SUGP2: variants seen among roughly 807,000 people sequenced by gnomAD.
SUGP2 encodes the protein SURP and G-patch domain containing 2.
A neutral mutation model predicts 90.5 loss-of-function variants in SUGP2; 24 were observed. The observed-to-expected ratio is 0.27, with a 90% CI of 0.19 to 0.37. The LOEUF is 0.37. SUGP2 is among the 10% of genes least tolerant of loss of function. The pLI is 1.00. For synonymous variants in SUGP2, 473 were observed against 513.4 expected (o/e 0.92, Z 1.06); for missense variants, 1,233 against 1,363.3 (o/e 0.90, Z 1.51).
intron 4 of SUGP2, among the ~76,000 whole-genome samples, chr19:19,017,608 C>A (rs2058549557): frequency 6.6e-6 from 1 of 152,004 alleles, no homozygotes; most frequent in African/African-American, 2.4e-5. Flanking sequence ...CCCGTCTCTA[C>A]TAAAATACAA....
chr19:19,033,378 G>A, intron 1 of SUGP2, 59 bp downstream of exon 1: 3 of 1,216,460 alleles, frequency 2.5e-6, no homozygotes, highest in South Asian at 2.6e-5. Flanking sequence ...CCCCAAGGCC[G>A]AGCCCGAGCT....
chr19:19,020,567 C>A (rs1008931974), intron 3 of SUGP2, among the ~76,000 whole-genome samples: 1 of 151,516 alleles, frequency 6.6e-6, no homozygotes, highest in Non-Finnish European at 1.5e-5. Flanking sequence ...CCTCAGCCTC[C>A]CAAGTAGCTG....
Position 19,024,868 on chromosome 19 carries a change from G to T in SUGP2, c.1480C>A (p.Arg494=), listed in dbSNP as rs777223486. The T allele has an allele frequency of 4.3e-6, 7 of 1,614,058 alleles. No homozygotes were observed. In the Admixed American group the frequency reaches 1.2e-4, roughly 27 times the overall value. The part of the protein sequence containing the change: ...GQTFSLASSF[R]QEKILEAVGL... ...ACAGCTTCTAAGATTTTCTCCTGCCGGAAAGAAGAGGCCAAGGAAAATGTC... is the reference window on the plus strand; with the variant it reads ...ACAGCTTCTAAGATTTTCTCCTGCCTGAAAGAAGAGGCCAAGGAAAATGTC... The change falls in exon 3 of 11, where the codon CGG becomes AGG. Residue 494 remains arginine (R), a synonymous_variant. Transcript: ENST00000452918.
rs755890142 is a variant in SUGP2 at position 18,994,327 on chromosome 19, C to T, written c.*39G>A. On this transcript the variant is annotated intron_variant, in intron 10 of 10. Coordinates refer to ENST00000452918, the MANE Select transcript of SUGP2 (RefSeq NM_001017392.5). ...ATTTCTCTGCATACCAGCACGCCAG[C>T]GAGGGCAGACGGCCTTACACACTGG... 2.6e-5 allele frequency: 42 copies of T among 1,598,628 alleles called. 1 individual carries two copies. The highest frequency in any genetic ancestry group is 5.1e-5 in the Admixed American group (3 of 59,066).
chr19:19,019,710 CAG>C (rs1221012676), intron 3 of SUGP2, among the ~76,000 whole-genome samples: 1 of 150,002 alleles, frequency 6.7e-6, no homozygotes, highest in East Asian at 1.9e-4. Context: ...AATATGTTAA[CAG>C]AGGTTATAGG....
intron 10 of SUGP2, 95 bp downstream of exon 10, chr19:18,994,271 G>C (rs1017351208): frequency 6.7e-7 from 1 of 1,501,530 alleles, no homozygotes; most frequent in African/African-American, 1.4e-5. Context: ...CATTTTTGGG[G>C]GAGCAGGGAA....
chr19:19,017,145 C>T (rs149293613), intron 4 of SUGP2, among the ~76,000 whole-genome samples: 4 of 152,242 alleles, frequency 2.6e-5, no homozygotes, highest in African/African-American at 9.6e-5. Flanking sequence ...TGATAGCACC[C>T]CTGCATTGCA....
At chr19:19,021,118 C>T (rs1216744399) in intron 3 of SUGP2, among the ~76,000 whole-genome samples, 1 of 119,360 alleles carries the variant, frequency 8.4e-6, no homozygotes, top group African/African-American at 3.3e-5. Flanking sequence ...GAGATCATGC[C>T]ATTGCACTCC....
At chr19:19,009,071 C>T (rs1413830258) in intron 5 of SUGP2, among the ~76,000 whole-genome samples, 3 of 152,122 alleles carry the variant, frequency 2.0e-5, no homozygotes, top group African/African-American at 7.2e-5. Flanking sequence ...GCCACCACGC[C>T]CAGCTAATTT....
At chr19:19,014,128 G>A (rs776845884) in intron 4 of SUGP2, among the ~76,000 whole-genome samples, 1 of 152,064 alleles carries the variant, frequency 6.6e-6, no homozygotes, top group African/African-American at 2.4e-5. Context: ...TGAGTAGCTG[G>A]GAGTATAGGC....
At chr19:18,995,013 G>A (rs763857695) in intron 9 of SUGP2, 131 bp downstream of exon 9, 1 of 1,038,964 alleles carries the variant, frequency 9.6e-7, no homozygotes, top group Admixed American at 2.0e-5. Context: ...ATCTGAAGAT[G>A]CCTTCTGTTT....
intron 4 of SUGP2, 77 bp downstream of exon 4, chr19:19,019,032 C>T (rs1265446649): frequency 2.0e-6 from 3 of 1,504,258 alleles, no homozygotes; most frequent in Admixed American, 3.6e-5. Flanking sequence ...CCTCTGCTCT[C>T]AATACCATCA....
intron 4 of SUGP2, among the ~76,000 whole-genome samples, chr19:19,018,564 G>C (rs1225067566): frequency 2.7e-5 from 4 of 150,742 alleles, no homozygotes; most frequent in African/African-American, 4.9e-5. Flanking sequence ...GTGGGCTCCT[G>C]TAGTCCCAGC....
In SUGP2 at chr19:19,025,632, C is replaced by G. The variant is rs746791242; in HGVS notation, c.716G>C (p.Gly239Ala). Residue 239 changes from glycine to alanine, a missense_variant, in exon 3 of 11, where the codon GGG (glycine) becomes GCG (alanine). Physicochemically the swap from Gly to Ala is moderately conservative, Grantham distance 60. Around this residue, in one of 8 missense-constraint regions of SUGP2, gnomAD observed 418 missense variants for 399.9 expected, o/e 1.05. Coordinates refer to ENST00000452918, the MANE Select transcript of SUGP2 (RefSeq NM_001017392.5). ...CAATGTGACAAGTTTCCCAACACCC[C>G]CCTTAGCTGTGAGCAGGCCCTGAGT... Reference protein sequence around the residue: ...GETQGLLTAKGGVGKLVTLRN... With the variant: ...GETQGLLTAKAGVGKLVTLRN... The G allele has an allele frequency of 1.9e-6, 3 of 1,614,040 alleles. No homozygotes were observed. The highest frequency in any genetic ancestry group is 1.7e-6 in the Non-Finnish European group (2 of 1,180,028).
At position 19,001,785 on chromosome 19, in the gene SUGP2, G is replaced by T; in HGVS notation, c.2930-111C>A. 3 of 1,093,882 alleles carry T rather than the reference G, an allele frequency of 2.7e-6. No individual in the cohort carries two copies. In the South Asian group the frequency reaches 3.9e-5, roughly 14 times the overall value. The allele number at this position is 1,093,882 out of a possible 1,614,324, so 67.8% of individuals were successfully genotyped here. On this transcript the variant is annotated intron_variant, in intron 7 of 10. Transcript: ENST00000452918. ...GCTAACAGTTCTCTGATGACAGAAG[G>T]TGTCTTAGGCTCTGCATGGCAGCTG...
intron 6 of SUGP2, among the ~76,000 whole-genome samples, chr19:19,005,866 C>A (rs2058046753): frequency 7.7e-5 from 1 of 13,066 alleles, no homozygotes; most frequent in African/African-American, 3.5e-4. Flanking sequence ...CACACACACA[C>A]ACACACACAC....
At chr19:19,022,175 G>A (rs151320366) in intron 3 of SUGP2, among the ~76,000 whole-genome samples, 8 of 152,064 alleles carry the variant, frequency 5.3e-5, no homozygotes, top group East Asian at 1.9e-4. Flanking sequence ...TAGTAGAGAC[G>A]GGGTTTCACC....
chr19:19,013,485 C>T (rs1371824186), intron 4 of SUGP2, among the ~76,000 whole-genome samples: 1 of 152,176 alleles, frequency 6.6e-6, no homozygotes, highest in African/African-American at 2.4e-5. Context: ...AATCGACACA[C>T]ATACCTAAAC....
rs546752781 is a variant in SUGP2 at position 19,032,152 on chromosome 19, CAA to C, written c.-11-1072_-11-1071del. ...AAATCGTGGTTAGGAAAGAAGAGAT[CAA>C]TCTTTTTTTTTTTTTTCTTCCTTTT... On this transcript the variant is annotated intron_variant, in intron 1 of 10. Coordinates refer to ENST00000452918, the MANE Select transcript of SUGP2 (RefSeq NM_001017392.5). Among the ~76,000 whole-genome samples, 722 of 107,830 alleles carry C rather than the reference CAA, an allele frequency of 6.7e-3. 4 individuals carry two copies. Among genetic ancestry groups the C allele is most frequent in the South Asian group, 0.011 (34 of 3,066 alleles). 70.7% of individuals were successfully genotyped at this position (107,830 alleles called of 152,430 possible). A position where few individuals can be genotyped will look rare whatever the true frequency, so the allele number is the denominator to read the frequency against.
Sources: gnomAD v4.1 joint callset for allele counts (sites outside exome capture counted in the v4.1 genomes callset) on GRCh38, gnomAD v4.1.1 for gene constraint, gnomAD v4.1.1 regional missense constraint, MANE v1.5 for transcripts, NCBI Gene and HGNC (gene_info 2026-07-23, HGNC 2026-07-21) for gene names.